The following TLN2 variants were observed in gnomAD, a reference collection of about 807,000 sequenced individuals.
TLN2 encodes talin 2.
Under a neutral mutation model 294.7 loss-of-function variants are expected in TLN2, and 118 were observed. The observed-to-expected ratio is 0.40, with a 90% CI of 0.34 to 0.47. The LOEUF (loss-of-function observed/expected upper bound fraction) is 0.47. Among genes scored for constraint, TLN2 ranks in the 20% least tolerant of loss-of-function variants. The pLI is 0.84. For synonymous variants in TLN2, 1,431 were observed against 1,304.5 expected (o/e 1.10, Z -2.09); for missense variants, 3,083 against 3,282.2 (o/e 0.94, Z 1.48).
intron 45 of TLN2, among the ~76,000 whole-genome samples, chr15:62,787,611 G>C (rs559426111): frequency 6.6e-6 from 1 of 151,298 alleles, no homozygotes; most frequent in South Asian, 2.1e-4. Flanking sequence ...CTGGTAGTTC[G>C]TTGGATCACC....
chr15:62,577,584 G>A (rs116488691), intron 1 of TLN2, among the ~76,000 whole-genome samples: 1,935 of 152,266 alleles, frequency 0.013, 41 homozygotes, highest in African/African-American at 0.044. Flanking sequence ...TTAAATGGGG[G>A]CCTAGGATGA....
At chr15:62,824,595 A>T (rs1263726262) in intron 54 of TLN2, among the ~76,000 whole-genome samples, 1 of 152,228 alleles carries the variant, frequency 6.6e-6, no homozygotes, top group Admixed American at 6.5e-5. Context: ...AATATATCTC[A>T]TGAAGGTAAT....
chr15:62,444,348 CA>C (rs780638414), intron 1 of TLN2, among the ~76,000 whole-genome samples: 8 of 152,210 alleles, frequency 5.3e-5, no homozygotes, highest in Non-Finnish European at 1.2e-4. Context: ...TCTCTGGATG[CA>C]GTGGTTTGAA....
chr15:62,647,153 T>A, intron 3 of TLN2, 122 bp from the exon 4 acceptor site: 1 of 953,770 alleles, frequency 1.0e-6, no homozygotes, highest in Non-Finnish European at 1.5e-6. Context: ...ACTCTTTATT[T>A]GCTGTTTTAT....
At chr15:62,735,536 C>T (rs1257673683) in intron 28 of TLN2, among the ~76,000 whole-genome samples, 2 of 152,210 alleles carry the variant, frequency 1.3e-5, no homozygotes, top group East Asian at 1.9e-4. Flanking sequence ...CATTGAGATG[C>T]AGCTACACAT....
intron 14 of TLN2, among the ~76,000 whole-genome samples, 176 bp downstream of exon 14, chr15:62,694,568 G>A (rs555501203): frequency 6.6e-6 from 1 of 152,328 alleles, no homozygotes; most frequent in Non-Finnish European, 1.5e-5. Flanking sequence ...AGTGGCAGAC[G>A]TCTCGTGAGG....
At chr15:62,409,795 A>G (rs1762268136) in intron 1 of TLN2, among the ~76,000 whole-genome samples, 1 of 152,152 alleles carries the variant, frequency 6.6e-6, no homozygotes, top group Admixed American at 6.5e-5. Flanking sequence ...TTATTAATAG[A>G]AGAGATTCAG....
Position 62,749,307 on chromosome 15 carries a change from G to A in TLN2, c.4119+863G>A, listed in dbSNP as rs2061789468. 2.6e-5 allele frequency among the ~76,000 whole-genome samples: 4 copies of A among 152,340 alleles called. No homozygotes were observed. The South Asian group carries it at 8.3e-4, about 32-fold the overall frequency. On this transcript the variant is annotated intron_variant, in intron 33 of 58. Coordinates refer to ENST00000636159, the MANE Select transcript of TLN2 (RefSeq NM_015059.3). ...TGTTATCACAGGACCGAAGCATTCT[G>A]AAAACAGTTGAGAATGTTTCTTACA...
intron 9 of TLN2, among the ~76,000 whole-genome samples, chr15:62,664,205 T>G (rs2054251731): frequency 7.2e-6 from 1 of 139,818 alleles, no homozygotes; most frequent in African/African-American, 2.6e-5. Context: ...AAGATCAGAT[T>G]AATATCCAGA....
intron 44 of TLN2, among the ~76,000 whole-genome samples, chr15:62,781,824 TG>T (rs1468694315): frequency 2.6e-5 from 4 of 152,224 alleles, no homozygotes; most frequent in African/African-American, 9.6e-5. Context: ...TGGTTTTTGT[TG>T]TTTTGTTTGT....
rs770023477 is a variant in TLN2, at chr15:62,651,988, T to C, written c.235-17T>C. ...TTCCCCACACAGTGTGAAATTTGTA[T>C]GTGGTTTGTGCTCTAGGATATTTTG... On this transcript the variant is annotated splice_polypyrimidine_tract_variant and intron_variant, in intron 5 of 58. Transcript: ENST00000636159. The C allele has an allele frequency of 2.6e-5, 41 of 1,572,076 alleles. No homozygotes were observed. The highest frequency in any genetic ancestry group is 3.5e-5 in the Non-Finnish European group (40 of 1,157,254).
intron 3 of TLN2, among the ~76,000 whole-genome samples, chr15:62,638,988 C>T (rs181987271): frequency 6.6e-6 from 1 of 152,242 alleles, no homozygotes; most frequent in East Asian, 1.9e-4. Context: ...GCCCTCTGTT[C>T]ATCCTTTAGT....
At chr15:62,515,043 C>G (rs896072649) in intron 1 of TLN2, among the ~76,000 whole-genome samples, 44 of 152,198 alleles carry the variant, frequency 2.9e-4, no homozygotes, top group African/African-American at 1.0e-3. Flanking sequence ...CCTACACACT[C>G]TGTTTCCTTC....
rs772782274 is a variant in TLN2 at position 62,783,808 on chromosome 15, G to C, written c.5654G>C (p.Gly1885Ala). 5.6e-6 allele frequency: 9 copies of C among 1,612,348 alleles called. No homozygotes were observed. The highest frequency in any genetic ancestry group is 1.3e-5 in the African/African-American group (1 of 74,874). ...KSVTNPEELG[G>A]LASQMTSDYG... ...GTTACTAACCCGGAGGAGTTGGGAGGACTGGCTTCACAAATGACCAGTGAC... is the reference window on the plus strand; with the variant it reads ...GTTACTAACCCGGAGGAGTTGGGAGCACTGGCTTCACAAATGACCAGTGAC... Residue 1885 changes from glycine to alanine, a missense_variant, in exon 45 of 59, where the codon GGA becomes GCA. Transcript: ENST00000636159.
chr15:62,426,110 G>A (rs1048383181), intron 1 of TLN2, among the ~76,000 whole-genome samples: 2 of 152,172 alleles, frequency 1.3e-5, no homozygotes, highest in Admixed American at 1.3e-4. Flanking sequence ...TTCCATGGAA[G>A]CATTTGTTCT....
chr15:62,721,152 G>A (rs536170253), intron 25 of TLN2, among the ~76,000 whole-genome samples: 3 of 152,122 alleles, frequency 2.0e-5, no homozygotes, highest in Non-Finnish European at 1.5e-5. Context: ...AGATCTTTAC[G>A]AGAAAAAGGG....
chr15:62,467,444 G>A (rs1279277103), intron 1 of TLN2, among the ~76,000 whole-genome samples: 1 of 152,198 alleles, frequency 6.6e-6, no homozygotes, highest in African/African-American at 2.4e-5. Context: ...TGTAATCCCA[G>A]CACTTTGGGA....
intron 1 of TLN2, among the ~76,000 whole-genome samples, chr15:62,515,252 C>G (rs763844022): frequency 7.9e-5 from 12 of 152,214 alleles, no homozygotes; most frequent in Non-Finnish European, 1.8e-4. Context: ...TTGCTATTAG[C>G]TCAGCACTGT....
intron 37 of TLN2, among the ~76,000 whole-genome samples, chr15:62,756,737 C>T (rs192049661): frequency 5.2e-4 from 79 of 152,174 alleles, no homozygotes; most frequent in Middle Eastern, 3.4e-3. Context: ...GTTTTGACTA[C>T]AAAAAGCCAG....
Sources: allele counts gnomAD v4.1 joint callset (sites outside exome capture counted in the v4.1 genomes callset), GRCh38; gene constraint gnomAD v4.1.1; transcripts MANE v1.5; gene names NCBI Gene and HGNC (gene_info 2026-07-23, HGNC 2026-07-21).